The following WNT2B variants were observed in gnomAD, a reference collection of about 807,000 sequenced individuals.
WNT2B encodes the protein Wnt family member 2B.
WNT2B carries 19 observed loss-of-function variants against 40.5 expected under a neutral mutation model. The ratio of observed to expected loss-of-function variants is 0.47; its 90% CI spans 0.33 to 0.69. The LOEUF (loss-of-function observed/expected upper bound fraction) is 0.69. WNT2B is among the 30% of genes least tolerant of loss of function. The pLI is 0.02. For synonymous variants in WNT2B, 220 were observed against 211.9 expected, an observed-to-expected ratio of 1.04 and a Z score of -0.33; for missense variants, 467 against 556.4, an observed-to-expected ratio of 0.84 and a Z score of 1.62.
intron 1 of WNT2B, among the ~76,000 whole-genome samples, chr1:112,496,264 G>A (rs1468482631): frequency 6.6e-6 from 1 of 152,124 alleles, no homozygotes; most frequent in East Asian, 1.9e-4. Context: ...ACAGGCATTT[G>A]CCAGCACTCC....
At chr1:112,497,057 C>T (rs116054422) in intron 1 of WNT2B, among the ~76,000 whole-genome samples, 13 of 152,224 alleles carry the variant, frequency 8.5e-5, no homozygotes, top group Admixed American at 1.3e-4. Flanking sequence ...TTCCCACAAG[C>T]GTTGGGCCCC....
intron 1 of WNT2B, among the ~76,000 whole-genome samples, chr1:112,485,897 T>C (rs1651398595): frequency 6.6e-6 from 1 of 152,226 alleles, no homozygotes; most frequent in Non-Finnish European, 1.5e-5. Flanking sequence ...TTTTTCTGAA[T>C]TCATTGACAT....
At chr1:112,505,358 G>T (rs1319742162), upstream of WNT2B, among the ~76,000 whole-genome samples, 2 of 152,242 alleles carry the variant, frequency 1.3e-5, no homozygotes, top group Non-Finnish European at 2.9e-5. Context: ...TGCCTTGGGA[G>T]TAATGCCTTT....
chr1:112,504,277 C>T (rs1016149756), upstream of WNT2B, among the ~76,000 whole-genome samples: 2 of 152,122 alleles, frequency 1.3e-5, no homozygotes, highest in African/African-American at 4.8e-5. Context: ...CTCACCTCCC[C>T]ACGCCTCCTC....
At chr1:112,511,915 T>C (rs1475614296) in intron 1 of WNT2B, among the ~76,000 whole-genome samples, 1 of 152,242 alleles carries the variant, frequency 6.6e-6, no homozygotes, top group East Asian at 1.9e-4. Context: ...AATAATCCAG[T>C]GAGATGGGTT....
intron 4 of WNT2B, chr1:112,517,720 A>ACACATTTGACTTATCCTCCCTCC (rs1652630581): frequency 8.1e-6 from 2 of 245,600 alleles, no homozygotes; most frequent in South Asian, 2.3e-4. Context: ...GCACAGAAAC[A>ACACATTTGACTTATCCTCCCTCC]TAAGATGCAG....
In WNT2B at chr1:112,517,316, C is replaced by T. The variant is rs760453981; in HGVS notation, c.877C>T (p.Arg293Cys). The T allele has an allele frequency of 1.9e-6, 3 of 1,614,152 alleles. No individual in the cohort carries two copies. The highest frequency in any genetic ancestry group is 1.7e-5 in the Admixed American group (1 of 60,032). Residue 293 changes from arginine (R) to cysteine (C), a missense_variant, in exon 4 of 5, where the codon CGT becomes TGT. Around this residue, in one of 2 missense-constraint regions of WNT2B, gnomAD observed 330 missense variants for 438.6 expected, o/e 0.75. Transcript: ENST00000369684. ...NFTAARQGYR[R>C]ATRTDLVYFD... ...CACCGCAGCCCGCCAAGGCTATCGC[C>T]GTGCCACCCGGACTGATCTTGTCTA...
At chr1:112,501,332 G>A (rs1651944251) in intron 1 of WNT2B, among the ~76,000 whole-genome samples, 1 of 152,172 alleles carries the variant, frequency 6.6e-6, no homozygotes, top group Non-Finnish European at 1.5e-5. Context: ...TCTCCACTGT[G>A]AAGTTGCTTT....
intron 1 of WNT2B, among the ~76,000 whole-genome samples, chr1:112,486,505 T>C (rs1246611153): frequency 3.3e-5 from 5 of 152,042 alleles, no homozygotes; most frequent in Admixed American, 6.6e-5. Context: ...AATTGATAAA[T>C]TGGACTTTAT....
chr1:112,525,891 A>G lies in WNT2B; in HGVS notation c.*5382A>G. ...TTCATAAGAAGCTTTTTCATATGCA[A>G]AATGCTTTAGCATATATGTAATCCT... On this transcript the variant is annotated 3_prime_UTR_variant, in exon 5 of 5. Coordinates refer to ENST00000369684, the MANE Select transcript of WNT2B (RefSeq NM_024494.3). 2 of 1,357,348 alleles carry G rather than the reference A, an allele frequency of 1.5e-6. No homozygotes were observed. The highest frequency in any genetic ancestry group is 2.0e-6 in the Non-Finnish European group (2 of 1,021,758). 84.1% of individuals were successfully genotyped at this position (1,357,348 alleles called of 1,614,324 possible).
In WNT2B at chr1:112,517,112, C is replaced by G. The variant is rs1215770601; in HGVS notation, c.682-9C>G. The G allele has an allele frequency of 2.5e-6, 4 of 1,605,576 alleles. No homozygotes were observed. The East Asian group carries it at 9.0e-5, about 36-fold the overall frequency. On this transcript the variant is annotated splice_polypyrimidine_tract_variant and intron_variant, in intron 3 of 4. Transcript: ENST00000369684. ...TACTTCTCCCTTAACTGCCTTCCCC[C>G]TCCCCCAGGCTGTGCGGCGGTTTCT...
rs1299380783 is a variant in WNT2B, at chr1:112,525,997, A to C, written c.*5488A>C. 3.7e-6 allele frequency: 6 copies of C among 1,613,996 alleles called. No individual in the cohort carries two copies. The highest frequency in any genetic ancestry group is 1.7e-5 in the Admixed American group (1 of 60,016). On this transcript the variant is annotated 3_prime_UTR_variant, in exon 5 of 5. Coordinates refer to ENST00000369684, the MANE Select transcript of WNT2B (RefSeq NM_024494.3). ...AATTTGGTGATTTGTCCAAGGTCAC[A>C]TGAACAGTGCGTGGCTCAGCCAGAA... is the stretch of plus-strand genomic sequence containing the variant.
intron 1 of WNT2B, among the ~76,000 whole-genome samples, chr1:112,470,544 C>T (rs972616310): frequency 7.9e-5 from 12 of 152,096 alleles, no homozygotes; most frequent in South Asian, 2.1e-4. Flanking sequence ...GTCAAGATCA[C>T]GCCACTGCAC....
chr1:112,467,229 A>G, exon 1 of WNT2B: 2 of 359,898 alleles, frequency 5.6e-6, no homozygotes, highest in Non-Finnish European at 1.0e-5. Context: ...CCTGGGATGG[A>G]AGTCTAGATC....
chr1:112,511,584 A>C (rs1652352462), intron 1 of WNT2B, among the ~76,000 whole-genome samples: 1 of 152,098 alleles, frequency 6.6e-6, no homozygotes, highest in African/African-American at 2.4e-5. Context: ...TTCACCAGTT[A>C]ATATTTGGAT....
intron 1 of WNT2B, among the ~76,000 whole-genome samples, chr1:112,510,712 A>T (rs1303332358): frequency 4.0e-5 from 6 of 149,620 alleles, no homozygotes; most frequent in Admixed American, 1.3e-4. Flanking sequence ...TTTTTTTTTT[A>T]AATCTCTGCA....
Position 112,527,346 on chromosome 1 carries a change from T to G in WNT2B, c.*6837T>G, listed in dbSNP as rs955121078. 3.3e-5 allele frequency: 5 copies of G among 152,610 alleles called. No individual in the cohort carries two copies. The highest frequency in any genetic ancestry group is 6.5e-5 in the Admixed American group (1 of 15,290). The allele number at this position is 152,610 out of a possible 1,614,324, so 9.5% of individuals were successfully genotyped here. A position where few individuals can be genotyped will look rare whatever the true frequency, so the allele number is the denominator to read the frequency against. ...CAGGACTTCCCCAAGGCAGACTTTA[T>G]TTTTTGGTCCATCGATCTTGGCTCT... On this transcript the variant is annotated 3_prime_UTR_variant, in exon 5 of 5. Transcript: ENST00000369684.
Position 112,515,093 on chromosome 1 carries a change from A to T in WNT2B, c.402A>T (p.Arg134Ser). ...DHTVFGRVML[R>S]SSREAAFVYA... ...CCGTCTTTGGCCGTGTCATGCTCAGAAGTAAGAGCCTCTTCCATCCTGTGT... is the reference window on the plus strand; with the variant it reads ...CCGTCTTTGGCCGTGTCATGCTCAGTAGTAAGAGCCTCTTCCATCCTGTGT... Residue 134 changes from arginine (R) to serine (S), a missense_variant and splice_region_variant, in exon 2 of 5, where the codon AGA becomes AGT. By Grantham distance (110) the Arg-to-Ser change is moderately radical (BLOSUM62 -1). This residue lies in a region of WNT2B where 330 missense variants were observed against 438.6 expected (regional missense o/e 0.75). Transcript: ENST00000369684. This position sits in a 1 kb window ranked among gnomAD's most constrained non-coding sequence, Gnocchi z 4.4. 6.2e-7 allele frequency: 1 copy of T among 1,613,806 alleles called. No individual in the cohort carries two copies. Among genetic ancestry groups the T allele is most frequent in the Non-Finnish European group, 8.5e-7 (1 of 1,179,856 alleles).
At chr1:112,495,304 T>C (rs376137067) in intron 1 of WNT2B, among the ~76,000 whole-genome samples, 4 of 146,588 alleles carry the variant, frequency 2.7e-5, no homozygotes, top group South Asian at 2.1e-4. Context: ...AGGCCAGGCG[T>C]GGTGGCTCAC....
Sources: allele counts gnomAD v4.1 joint callset (sites outside exome capture counted in the v4.1 genomes callset), GRCh38; gene constraint gnomAD v4.1.1; regional missense constraint gnomAD v4.1.1; non-coding constraint Gnocchi (gnomAD v3.1); transcripts MANE v1.5; gene names NCBI Gene and HGNC (gene_info 2026-07-23, HGNC 2026-07-21).